OPCML: variants seen among roughly 807,000 people sequenced by gnomAD.
OPCML encodes the protein opioid-binding protein/cell adhesion molecule.
In OPCML, 13 loss-of-function variants were observed where a neutral mutation model predicts 37.8. The ratio of observed to expected loss-of-function variants is 0.34; its 90% CI spans 0.22 to 0.55. The LOEUF is 0.55. Ranked by LOEUF, OPCML falls within the 20% of genes least tolerant of loss-of-function variation. The pLI is 0.91. For missense variants in OPCML, 341 were observed against 435.6 expected, an observed-to-expected ratio of 0.78 and a Z score of 1.93; for synonymous variants, 176 against 168.8, an observed-to-expected ratio of 1.04 and a Z score of -0.33.
At chr11:132,474,091 G>A (rs1045513009) in intron 4 of OPCML, among the ~76,000 whole-genome samples, 1 of 152,166 alleles carries the variant, frequency 6.6e-6, no homozygotes, top group Non-Finnish European at 1.5e-5. Flanking sequence ...GCTCGGGCCT[G>A]TGGGAGGGGA....
chr11:132,473,567 T>C lies in OPCML; in HGVS notation c.506-36208A>G, dbSNP rs114565198. ...ATTCATAATTGCAGTAGCTCATGCC[T>C]ATAATCTCAGCACTTTGGGAGGCCG... On this transcript the variant is annotated intron_variant, in intron 4 of 7. Transcript: ENST00000524381. Among the ~76,000 whole-genome samples, 323 of 152,338 alleles carry C rather than the reference T, an allele frequency of 2.1e-3. 1 individual carries two copies. The highest frequency in any genetic ancestry group is 7.5e-3 in the African/African-American group (313 of 41,582).
intron 2 of OPCML, chr11:132,772,340 C>T (rs1946668575): frequency 2.0e-5 from 3 of 152,180 alleles, no homozygotes; most frequent in Non-Finnish European, 4.4e-5. Flanking sequence ...AAAATGGTCC[C>T]GTGCACATGC....
intron 1 of OPCML, among the ~76,000 whole-genome samples, chr11:133,462,531 AATAGATATTT>A (rs1946881175): frequency 2.6e-5 from 4 of 152,168 alleles, no homozygotes; most frequent in Non-Finnish European, 5.9e-5. Context: ...AAAGGACTTT[AATAGATATTT>A]TTCCAAAGAT....
intron 2 of OPCML, among the ~76,000 whole-genome samples, chr11:132,848,869 C>G (rs573896197): frequency 1.3e-5 from 2 of 152,074 alleles, no homozygotes. Flanking sequence ...TTGTGAAAAT[C>G]GTATTAGATC....
intron 2 of OPCML, among the ~76,000 whole-genome samples, chr11:132,683,875 G>A (rs1360571805): frequency 1.3e-5 from 2 of 152,014 alleles, no homozygotes; most frequent in African/African-American, 4.8e-5. Context: ...GGATTGCATT[G>A]CATCATATCA....
chr11:133,455,100 G>T (rs1946649383), intron 1 of OPCML, among the ~76,000 whole-genome samples: 1 of 152,064 alleles, frequency 6.6e-6, no homozygotes, highest in African/African-American at 2.4e-5. Flanking sequence ...GAAGCTCCAA[G>T]TTCATTGTCT....
chr11:133,097,776 C>T (rs917926975), intron 1 of OPCML, among the ~76,000 whole-genome samples: 1 of 152,060 alleles, frequency 6.6e-6, no homozygotes, highest in Non-Finnish European at 1.5e-5. Context: ...TGAAACAGAC[C>T]AATTTCTTGA....
At chr11:133,360,306 A>C (rs912620989) in intron 1 of OPCML, 1 of 152,238 alleles carries the variant, frequency 6.6e-6, no homozygotes, top group Non-Finnish European at 1.5e-5. Flanking sequence ...AAGAATTCTA[A>C]TTATCCCTAC....
chr11:132,726,632 C>A lies in OPCML; in HGVS notation c.147-69313G>T, dbSNP rs527907145. Among the ~76,000 whole-genome samples the A allele has an allele frequency of 1.1e-4, 17 of 152,068 alleles. No individual in the cohort carries two copies. In the South Asian group the frequency reaches 3.1e-3, roughly 28 times the overall value. On this transcript the variant is annotated intron_variant, in intron 2 of 7. Coordinates refer to ENST00000524381, the MANE Select transcript of OPCML (RefSeq NM_001012393.5). Reference sequence around the variant, plus strand: ...AATATTGAACTGATTCCTTGTAGAACCAAAGAGTTGAGCGGGCAGCGTAAG... The same window carrying A: ...AATATTGAACTGATTCCTTGTAGAAACAAAGAGTTGAGCGGGCAGCGTAAG...
chr11:133,282,855 T>G (rs1203930805), intron 1 of OPCML, among the ~76,000 whole-genome samples: 1 of 152,220 alleles, frequency 6.6e-6, no homozygotes, highest in Non-Finnish European at 1.5e-5. Context: ...ATATTGGATC[T>G]TTAAGGTGTA....
chr11:132,759,330 G>A (rs964307161), intron 2 of OPCML, among the ~76,000 whole-genome samples: 2 of 152,122 alleles, frequency 1.3e-5, no homozygotes, highest in African/African-American at 4.8e-5. Flanking sequence ...GAGTTAGTGA[G>A]GAGTCTCTCT....
At chr11:132,653,252 C>T (rs1423331475) in intron 3 of OPCML, among the ~76,000 whole-genome samples, 1 of 152,140 alleles carries the variant, frequency 6.6e-6, no homozygotes, top group Non-Finnish European at 1.5e-5. Context: ...TTCCTCTTTC[C>T]AGGTATGAGG....
chr11:132,937,557 T>C (rs961253127), intron 2 of OPCML, among the ~76,000 whole-genome samples: 1 of 149,384 alleles, frequency 6.7e-6, no homozygotes. Flanking sequence ...GTGGAGTGTG[T>C]GTGTGTCGTG....
chr11:132,807,656 A>G (rs1325464335), intron 2 of OPCML, among the ~76,000 whole-genome samples: 1 of 152,192 alleles, frequency 6.6e-6, no homozygotes, highest in Non-Finnish European at 1.5e-5. Context: ...TTGTGTAGCC[A>G]GCCAGACATG....
At chr11:132,640,733 GCCACA>G (rs1188332852) in intron 3 of OPCML, among the ~76,000 whole-genome samples, 1 of 152,162 alleles carries the variant, frequency 6.6e-6, no homozygotes, top group Non-Finnish European at 1.5e-5. Flanking sequence ...GTGTGATAGA[GCCACA>G]CCCAGGAGTT....
intron 1 of OPCML, among the ~76,000 whole-genome samples, chr11:133,243,722 A>G (rs570553703): frequency 6.6e-6 from 1 of 152,310 alleles, no homozygotes; most frequent in South Asian, 2.1e-4. Flanking sequence ...ATAGCAAGCC[A>G]TTTGTTTCAG....
chr11:133,436,353 G>A (rs940317485), intron 1 of OPCML, among the ~76,000 whole-genome samples: 2 of 152,140 alleles, frequency 1.3e-5, no homozygotes, highest in Admixed American at 6.5e-5. Context: ...GTGAGGCAAC[G>A]GGTAAGGAAC....
intron 1 of OPCML, chr11:133,299,993 C>A (rs1223902415): frequency 6.6e-6 from 1 of 152,210 alleles, no homozygotes; most frequent in Admixed American, 6.5e-5. Flanking sequence ...TAATTAAATT[C>A]TGGAGACACA....
rs549397098 is a variant in OPCML at position 133,174,559 on chromosome 11, G to A, written c.62-231549C>T. ...GCAACCTGCATACCCAAAAATAGTCGAAAAGAGTTGTACTCTATCTATACA... is the reference window on the plus strand; with the variant it reads ...GCAACCTGCATACCCAAAAATAGTCAAAAAGAGTTGTACTCTATCTATACA... On this transcript the variant is annotated intron_variant, in intron 1 of 7. Coordinates refer to ENST00000524381, the MANE Select transcript of OPCML (RefSeq NM_001012393.5). The surrounding 1 kb of genome is among the most constrained non-coding windows in gnomAD (Gnocchi z 4.6). 6.8e-5 allele frequency among the ~76,000 whole-genome samples: 10 copies of A among 146,552 alleles called. No individual in the cohort carries two copies. The highest frequency in any genetic ancestry group is 6.5e-4 in the South Asian group (3 of 4,642).
Sources: allele counts gnomAD v4.1 joint callset (sites outside exome capture counted in the v4.1 genomes callset), GRCh38; gene constraint gnomAD v4.1.1; non-coding constraint Gnocchi (gnomAD v3.1); transcripts MANE v1.5; gene names NCBI Gene and HGNC (gene_info 2026-07-23, HGNC 2026-07-21).